Variants in INPP5J observed in about 807,000 individuals in gnomAD.
INPP5J encodes the protein inositol polyphosphate-5-phosphatase J.
INPP5J carries 75 observed loss-of-function variants against 86.6 expected under a neutral mutation model. The ratio of observed to expected loss-of-function variants is 0.87; its 90% CI spans 0.72 to 1.05. INPP5J has a LOEUF of 1.05. Among genes scored for constraint, INPP5J ranks in the 50% least tolerant of loss-of-function variants. The pLI, the probability that INPP5J is intolerant of heterozygous loss-of-function variation, is 0.00. For synonymous variants in INPP5J, 540 were observed against 550.0 expected, an observed-to-expected ratio of 0.98 and a Z score of 0.25; for missense variants, 1,229 against 1,341.2, an observed-to-expected ratio of 0.92 and a Z score of 1.31.
Position 31,126,594 on chromosome 22 carries a change from C to G in INPP5J, c.1386-19C>G, listed in dbSNP as rs1451523861. 3 of 1,610,218 alleles carry G rather than the reference C, an allele frequency of 1.9e-6. No homozygotes were observed. The highest frequency in any genetic ancestry group is 2.5e-6 in the Non-Finnish European group (3 of 1,176,676). On this transcript the variant is annotated intron_variant, in intron 3 of 12. Coordinates refer to ENST00000331075, the MANE Select transcript of INPP5J (RefSeq NM_001284285.2). ...GGCACCTCTCCAATCCCATGGCCAC[C>G]CTGCCCCCACCCCTCCAGGTTGCAG...
Position 31,134,493 on chromosome 22 carries a change from C to T in INPP5J, c.*74C>T, listed in dbSNP as rs1406235050. 4 of 1,364,976 alleles carry T rather than the reference C, an allele frequency of 2.9e-6. No homozygotes were observed. In the African/African-American group the frequency reaches 5.8e-5, roughly 20 times the overall value. 84.6% of individuals were successfully genotyped at this position (1,364,976 alleles called of 1,614,324 possible). A position where few individuals can be genotyped will look rare whatever the true frequency, so the allele number is the denominator to read the frequency against. On this transcript the variant is annotated 3_prime_UTR_variant, in exon 13 of 13. Coordinates refer to ENST00000331075, the MANE Select transcript of INPP5J (RefSeq NM_001284285.2). Reference sequence around the variant, plus strand: ...TTTTGCAAGCCCACCTGCCTCTCTCCTGCTGCTCCTCCAGCTGTATCTGCA... The same window carrying T: ...TTTTGCAAGCCCACCTGCCTCTCTCTTGCTGCTCCTCCAGCTGTATCTGCA...
rs778017469 is a variant in INPP5J at position 31,134,397 on chromosome 22, A to G, written c.2999A>G (p.Glu1000Gly). The G allele has an allele frequency of 1.4e-5, 20 of 1,469,288 alleles. No individual in the cohort carries two copies. The South Asian group carries it at 2.3e-4, about 17-fold the overall frequency. 91.0% of individuals were successfully genotyped at this position (1,469,288 alleles called of 1,614,324 possible). ...SPSPQGHRGL[E>G]EGGLGP ...AGTCCCCAGGGCCATCGGGGGCTGG[A>G]GGAAGGGGGCCTGGGGCCCTGAGGG... Residue 1000 changes from glutamate to glycine, a missense_variant, in exon 13 of 13, where the codon GAG becomes GGG. Glu to Gly is a moderately conservative substitution (Grantham distance 98). Coordinates refer to ENST00000331075, the MANE Select transcript of INPP5J (RefSeq NM_001284285.2).
rs1284733427 is a variant in INPP5J, at chr22:31,125,502, C to T, written c.763C>T (p.Pro255Ser). The change falls in exon 2 of 13, where the codon CCT becomes TCT. Residue 255 changes from proline to serine, a missense_variant. Transcript: ENST00000331075. ...CCCTGCTTCTGAGGGGCATCTCCAG[C>T]CTCCAGCTCAGACATCTGGTCCTAC... Reference protein sequence around the residue: ...PLPASEGHLQPPAQTSGPTGS... With the variant: ...PLPASEGHLQSPAQTSGPTGS... 3.9e-6 allele frequency: 6 copies of T among 1,550,440 alleles called. No homozygotes were observed. The East Asian group carries it at 1.5e-4, about 38-fold the overall frequency.
At chr22:31,124,794 C>A in intron 1 of INPP5J, 51 bp from the exon 2 acceptor site, 1 of 1,510,052 alleles carries the variant, frequency 6.6e-7, no homozygotes, top group Non-Finnish European at 9.0e-7. Context: ...GAAGTTGGGG[C>A]CCAATGCCCT....
At position 31,133,919 on chromosome 22, in the gene INPP5J, C is replaced by T. The variant is rs1291354126; in HGVS notation, c.2521C>T (p.Leu841=). The T allele has an allele frequency of 1.2e-6, 2 of 1,610,172 alleles. No homozygotes were observed. The highest frequency in any genetic ancestry group is 1.3e-5 in the African/African-American group (1 of 74,892). Residue 841 remains leucine (L), a synonymous_variant, in exon 13 of 13, where the codon CTG becomes TTG. Coordinates refer to ENST00000331075, the MANE Select transcript of INPP5J (RefSeq NM_001284285.2). ...IGITEPFQIS[L]PSSELASSST... ...TGACCAGCATTTCCCCCAGATCTCGCTGCCTTCCTCGGAGTTGGCCAGCAG... is the reference window on the plus strand; with the variant it reads ...TGACCAGCATTTCCCCCAGATCTCGTTGCCTTCCTCGGAGTTGGCCAGCAG...
intron 11 of INPP5J, 29 bp from the exon 12 acceptor site, chr22:31,133,581 A>C (rs778081660): frequency 6.2e-7 from 1 of 1,601,010 alleles, no homozygotes; most frequent in East Asian, 2.2e-5. Context: ...CTGACCCCCA[A>C]CTTAGGCTTA....
At chr22:31,128,679 G>T (rs368182174) in intron 9 of INPP5J, 25 bp downstream of exon 9, 8 of 1,542,040 alleles carry the variant, frequency 5.2e-6, no homozygotes, top group South Asian at 3.8e-5. Flanking sequence ...CATCCTCCCC[G>T]CATGAAATCC....
intron 8 of INPP5J, 30 bp downstream of exon 8, chr22:31,128,353 G>T (rs369753196): frequency 1.3e-6 from 2 of 1,566,568 alleles, no homozygotes; most frequent in Non-Finnish European, 1.7e-6. Context: ...GGACTGAGGG[G>T]AAGTGGGCTG....
At position 31,127,340 on chromosome 22, in the gene INPP5J, C is replaced by T. The variant is rs1226150130; in HGVS notation, c.1612-17C>T. 6 of 1,594,110 alleles carry T rather than the reference C, an allele frequency of 3.8e-6. No individual in the cohort carries two copies. Among genetic ancestry groups the T allele is most frequent in the South Asian group, 2.3e-5 (2 of 87,286 alleles). On this transcript the variant is annotated splice_polypyrimidine_tract_variant and intron_variant, in intron 5 of 12. Coordinates refer to ENST00000331075, the MANE Select transcript of INPP5J (RefSeq NM_001284285.2). ...GCCTAAGCCCCGCCCATGAGCCATC[C>T]GACCCTGCCTCCCTAGGGTAACAAG...
chr22:31,127,029 G>A lies in INPP5J; in HGVS notation c.1603G>A (p.Gly535Ser), dbSNP rs1275042091. The A allele has an allele frequency of 1.2e-5, 19 of 1,595,704 alleles. No homozygotes were observed. The highest frequency in any genetic ancestry group is 2.3e-5 in the East Asian group (1 of 43,886). The change falls in exon 5 of 13, where the codon GGC becomes AGC. Residue 535 changes from glycine (G) to serine (S), a missense_variant. Gly to Ser is a moderately conservative substitution (Grantham distance 56). Coordinates refer to ENST00000331075, the MANE Select transcript of INPP5J (RefSeq NM_001284285.2). ...CGACTGCACGCGCACTGGCCTGGGCGGCTACTGGGTGAGCCTGTGAGCAGG... is the reference window on the plus strand; with the variant it reads ...CGACTGCACGCGCACTGGCCTGGGCAGCTACTGGGTGAGCCTGTGAGCAGG... ...QTDCTRTGLG[G>S]YWGNKGGVSV... is the part of the protein sequence containing the mutation.
At chr22:31,130,221 A>T (rs1200285644) in intron 9 of INPP5J, among the ~76,000 whole-genome samples, 1 of 152,164 alleles carries the variant, frequency 6.6e-6, no homozygotes, top group African/African-American at 2.4e-5. Flanking sequence ...CATGCCTGTA[A>T]TCCCAGTTGC....
intron 9 of INPP5J, among the ~76,000 whole-genome samples, chr22:31,131,543 A>G (rs1922063645): frequency 6.6e-6 from 1 of 151,564 alleles, no homozygotes; most frequent in South Asian, 2.1e-4. Flanking sequence ...AGCCTGGGCT[A>G]CAGAGCGAGA....
Position 31,127,057 on chromosome 22 carries a change from C to A in INPP5J, c.1611+20C>A. 1 of 1,515,114 alleles carries A rather than the reference C, an allele frequency of 6.6e-7. No individual in the cohort carries two copies. The allele number at this position is 1,515,114 out of a possible 1,614,324, so 93.9% of individuals were successfully genotyped here. Reference sequence around the variant, plus strand: ...TACTGGGTGAGCCTGTGAGCAGGCCCAGAAGAGGATGGGACATGAAGGGGG... The same window carrying A: ...TACTGGGTGAGCCTGTGAGCAGGCCAAGAAGAGGATGGGACATGAAGGGGG... On this transcript the variant is annotated intron_variant, in intron 5 of 12. Coordinates refer to ENST00000331075, the MANE Select transcript of INPP5J (RefSeq NM_001284285.2).
In INPP5J at chr22:31,126,455, G is replaced by A. The variant is rs918318380; in HGVS notation, c.1351G>A (p.Asp451Asn). 5.6e-6 allele frequency: 9 copies of A among 1,613,668 alleles called. No individual in the cohort carries two copies. The highest frequency in any genetic ancestry group is 3.3e-5 in the Admixed American group (2 of 59,996). Residue 451 changes from aspartate (D) to asparagine (N), a missense_variant, in exon 3 of 13, where the codon GAC (aspartate) becomes AAC (asparagine). Physicochemically the swap from Asp to Asn is conservative, Grantham distance 23. Transcript: ENST00000331075. ...VTSLLHLGGG[D>N]DSDGADMIAI... is the part of the protein sequence containing the mutation. Reference sequence around the variant, plus strand: ...ATCCCTCCTCCACCTGGGCGGTGGTGACGACAGCGACGGCGCAGACATGAT... The same window carrying A: ...ATCCCTCCTCCACCTGGGCGGTGGTAACGACAGCGACGGCGCAGACATGAT...
Position 31,134,566 on chromosome 22 carries a change from A to C in INPP5J, c.*147A>C. 1 of 769,318 alleles carries C rather than the reference A, an allele frequency of 1.3e-6. No individual in the cohort carries two copies. Among genetic ancestry groups the C allele is most frequent in the Admixed American group, 3.7e-5 (1 of 26,888 alleles). The allele number at this position is 769,318 out of a possible 1,614,324, so 47.7% of individuals were successfully genotyped here. A position where few individuals can be genotyped will look rare whatever the true frequency, so the allele number is the denominator to read the frequency against. ...GGGTGGACAACTGGGGTCCCCCAAA[A>C]CTCAGTCCTGGCACCTCAACTGTGA... On this transcript the variant is annotated 3_prime_UTR_variant, in exon 13 of 13. Transcript: ENST00000331075.
chr22:31,127,200 C>T, intron 5 of INPP5J, 157 bp from the exon 6 acceptor site: 1 of 803,672 alleles, frequency 1.2e-6, no homozygotes, highest in South Asian at 1.7e-5. Flanking sequence ...TCCTCTATAC[C>T]CCCGCCCTTT....
Position 31,125,665 on chromosome 22 carries a change from G to A in INPP5J, c.926G>A (p.Gly309Asp), listed in dbSNP as rs1569284918. 8 of 1,550,446 alleles carry A rather than the reference G, an allele frequency of 5.2e-6. No homozygotes were observed. The highest frequency in any genetic ancestry group is 6.1e-6 in the Non-Finnish European group (7 of 1,146,980). ...CCCCAGACCTTGCCCTTGGATGTGG[G>A]CCAGGGTCCTTCAGAGCCTGGCACT... ...RPPQTLPLDVGQGPSEPGTHS... is the reference protein window; with the variant it reads ...RPPQTLPLDVDQGPSEPGTHS... The change falls in exon 2 of 13, where the codon GGC becomes GAC. Residue 309 changes from glycine (G) to aspartate (D), a missense_variant. By Grantham distance (94) the Gly-to-Asp change is moderately conservative. Coordinates refer to ENST00000331075, the MANE Select transcript of INPP5J (RefSeq NM_001284285.2).
Position 31,123,036 on chromosome 22 carries a change from G to T in INPP5J, c.22G>T (p.Gly8Cys). The T allele has an allele frequency of 6.8e-7, 1 of 1,473,208 alleles. No homozygotes were observed. The highest frequency in any genetic ancestry group is 1.4e-5 in the South Asian group (1 of 74,062). 91.3% of individuals were successfully genotyped at this position (1,473,208 alleles called of 1,614,324 possible). A position where few individuals can be genotyped will look rare whatever the true frequency, so the allele number is the denominator to read the frequency against. The change falls in exon 1 of 13, where the codon GGC becomes TGC. Residue 8 changes from glycine to cysteine, a missense_variant. Gly to Cys is a radical substitution (Grantham distance 159). Coordinates refer to ENST00000331075, the MANE Select transcript of INPP5J (RefSeq NM_001284285.2). The part of the protein sequence containing the change: MEGQSSR[G>C]SRRPGTRAGL... Reference sequence around the variant, plus strand: ...AGACATGGAGGGCCAGAGCAGCAGGGGCAGCAGGAGGCCAGGGACCCGGGC... The same window carrying T: ...AGACATGGAGGGCCAGAGCAGCAGGTGCAGCAGGAGGCCAGGGACCCGGGC...
rs1295252507 is a variant in INPP5J, at chr22:31,134,084, G to C, written c.2686G>C (p.Gly896Arg). 1 of 1,563,842 alleles carries C rather than the reference G, an allele frequency of 6.4e-7. No individual in the cohort carries two copies. Among genetic ancestry groups the C allele is most frequent in the Non-Finnish European group, 8.7e-7 (1 of 1,155,316 alleles). ...CAGCCCGGGACTGGCCAGGTTCCCT[G>C]GGCTTGCCCTACGGCCCTCATCCCG... Reference protein sequence around the residue: ...SRSPGLARFPGLALRPSSRER... With the variant: ...SRSPGLARFPRLALRPSSRER... Residue 896 changes from glycine (G) to arginine (R), a missense_variant, in exon 13 of 13, where the codon GGG becomes CGG. Gly to Arg is a moderately radical substitution (Grantham distance 125). Transcript: ENST00000331075.
Sources: allele counts gnomAD v4.1 joint callset (sites outside exome capture counted in the v4.1 genomes callset), GRCh38; gene constraint gnomAD v4.1.1; transcripts MANE v1.5; gene names NCBI Gene and HGNC (gene_info 2026-07-23, HGNC 2026-07-21).